GRIP1: variants seen among roughly 807,000 people sequenced by gnomAD.
The protein encoded by GRIP1 is glutamate receptor-interacting protein 1.
Under a neutral mutation model 129.9 loss-of-function variants are expected in GRIP1, and 45 were observed. That is an observed-to-expected ratio of 0.35 (90% confidence interval 0.27 to 0.44). GRIP1 has a LOEUF of 0.44. Ranked by LOEUF, GRIP1 falls within the 20% of genes least tolerant of loss-of-function variation. The probability of loss-of-function intolerance (pLI) is 1.00; values close to 1 mark genes in which losing one functional copy is unlikely to be tolerated. For missense variants in GRIP1, 1,196 were observed against 1,396.8 expected, an observed-to-expected ratio of 0.86 and a Z score of 2.29; for synonymous variants, 530 against 520.8, an observed-to-expected ratio of 1.02 and a Z score of -0.24.
chr12:66,929,314 A>G (rs2041348441), intron 1 of GRIP1, among the ~76,000 whole-genome samples: 1 of 151,990 alleles, frequency 6.6e-6, no homozygotes, highest in Admixed American at 6.6e-5. Flanking sequence ...AGCCACCCTG[A>G]CCACCCTACC....
chr12:67,009,251 T>C (rs1565636887), intron 1 of GRIP1, among the ~76,000 whole-genome samples: 1 of 152,160 alleles, frequency 6.6e-6, no homozygotes, highest in Non-Finnish European at 1.5e-5. Flanking sequence ...ATGTAATTGC[T>C]GAAGATTTTA....
intron 16 of GRIP1, among the ~76,000 whole-genome samples, chr12:66,395,003 C>T (rs2056735677): frequency 6.6e-6 from 1 of 152,166 alleles, no homozygotes; most frequent in African/African-American, 2.4e-5. Context: ...GATCATCTCT[C>T]CTCTTTCAAT....
At chr12:66,676,472 A>G (rs1388023991) in intron 1 of GRIP1, among the ~76,000 whole-genome samples, 2 of 152,154 alleles carry the variant, frequency 1.3e-5, no homozygotes, top group African/African-American at 4.8e-5. Flanking sequence ...TAGCCACAAG[A>G]GGCCTAATAA....
chr12:66,816,065 T>C (rs1239070924), intron 1 of GRIP1, among the ~76,000 whole-genome samples: 3 of 151,882 alleles, frequency 2.0e-5, no homozygotes, highest in Admixed American at 1.3e-4. Flanking sequence ...AGAGAAAAAA[T>C]AGTAAATTTT....
At chr12:66,970,927 C>T (rs565477723) in intron 1 of GRIP1, among the ~76,000 whole-genome samples, 26 of 152,200 alleles carry the variant, frequency 1.7e-4, no homozygotes, top group East Asian at 3.9e-4. Context: ...ACATTCTGAG[C>T]GCACTTCAAA....
At chr12:66,903,461 C>T (rs1223656693) in intron 1 of GRIP1, among the ~76,000 whole-genome samples, 2 of 151,996 alleles carry the variant, frequency 1.3e-5, no homozygotes, top group Non-Finnish European at 2.9e-5. Flanking sequence ...CTACTCCTCA[C>T]CTACTTTTAC....
intron 4 of GRIP1, among the ~76,000 whole-genome samples, chr12:66,535,137 C>T (rs929385321): frequency 2.6e-5 from 4 of 152,168 alleles, no homozygotes; most frequent in African/African-American, 9.7e-5. Context: ...AAACGCCTAG[C>T]TCTGAATCAC....
intron 2 of GRIP1, among the ~76,000 whole-genome samples, chr12:66,585,180 C>A (rs915909684): frequency 7.5e-5 from 11 of 146,566 alleles, no homozygotes; most frequent in Admixed American, 3.4e-4. Context: ...TATACATGTG[C>A]CATGCTGGTG....
chr12:66,830,805 C>T (rs1566042778), intron 1 of GRIP1, among the ~76,000 whole-genome samples: 1 of 151,322 alleles, frequency 6.6e-6, no homozygotes, highest in East Asian at 1.9e-4. Flanking sequence ...AGGTAACCAA[C>T]TCCAGACCCT....
chr12:66,706,007 T>G (rs946226338), intron 1 of GRIP1, among the ~76,000 whole-genome samples: 2 of 152,094 alleles, frequency 1.3e-5, no homozygotes, highest in African/African-American at 4.8e-5. Flanking sequence ...AAAGACTTCA[T>G]GACAAAAACA....
At chr12:67,039,477 C>A (rs1386774567) in intron 1 of GRIP1, among the ~76,000 whole-genome samples, 1 of 152,298 alleles carries the variant, frequency 6.6e-6, no homozygotes, top group East Asian at 1.9e-4. Context: ...GGTTCTAACA[C>A]TGGAAATGAA....
At chr12:66,712,796 G>T (rs536320721) in intron 1 of GRIP1, among the ~76,000 whole-genome samples, 169 of 152,068 alleles carry the variant, frequency 1.1e-3, no homozygotes, top group African/African-American at 3.9e-3. Flanking sequence ...CATTTGGAAA[G>T]GGCTTGGCCC....
chr12:67,049,086 C>T (rs775037140), intron 1 of GRIP1, among the ~76,000 whole-genome samples: 7 of 152,190 alleles, frequency 4.6e-5, no homozygotes, highest in Non-Finnish European at 8.8e-5. Context: ...CAGCCTTACA[C>T]AGTGCTAGGA....
intron 22 of GRIP1, among the ~76,000 whole-genome samples, chr12:66,373,434 A>G (rs757855144): frequency 1.3e-5 from 2 of 152,112 alleles, no homozygotes; most frequent in African/African-American, 4.8e-5. Flanking sequence ...GAAGAGGCTG[A>G]CTCACCCAAG....
chr12:66,722,008 T>C (rs1252210430), intron 1 of GRIP1, among the ~76,000 whole-genome samples: 1 of 152,332 alleles, frequency 6.6e-6, no homozygotes, highest in Non-Finnish European at 1.5e-5. Flanking sequence ...AAGGGAATGT[T>C]GCGGCTGGTT....
chr12:66,392,283 T>C, intron 19 of GRIP1, 25 bp downstream of exon 19: 1 of 1,382,014 alleles, frequency 7.2e-7, no homozygotes, highest in Non-Finnish European at 1.0e-6. Context: ...TGACAAGTCC[T>C]CTGGGGGACA....
intron 1 of GRIP1, among the ~76,000 whole-genome samples, chr12:66,946,256 A>T (rs750159056): frequency 6.6e-5 from 10 of 152,034 alleles, no homozygotes; most frequent in Non-Finnish European, 1.5e-4. Flanking sequence ...TTACTCTCTT[A>T]TTTAGGGCAA....
intron 1 of GRIP1, among the ~76,000 whole-genome samples, chr12:66,969,983 C>T (rs1376650279): frequency 2.0e-5 from 3 of 152,162 alleles, no homozygotes; most frequent in African/African-American, 4.8e-5. Flanking sequence ...TGAATCATAG[C>T]TACCGAAATT....
intron 9 of GRIP1, among the ~76,000 whole-genome samples, chr12:66,458,350 A>G (rs1237811684): frequency 3.3e-5 from 5 of 151,846 alleles, no homozygotes; most frequent in Admixed American, 6.6e-5. Flanking sequence ...TTCTAAATAT[A>G]TAAGTTAGAT....
Sources: allele counts gnomAD v4.1 joint callset (sites outside exome capture counted in the v4.1 genomes callset), GRCh38; gene constraint gnomAD v4.1.1; transcripts MANE v1.5; gene names NCBI Gene and HGNC (gene_info 2026-07-23, HGNC 2026-07-21).